HSF2BP: variants seen among roughly 807,000 people sequenced by gnomAD.
The protein encoded by HSF2BP is heat shock transcription factor 2 binding protein, also known as heat shock factor 2-binding protein.
HSF2BP carries 35 observed loss-of-function variants against 35.0 expected under a neutral mutation model. That is an observed-to-expected ratio of 1.00 (90% CI 0.76 to 1.32). HSF2BP has a LOEUF of 1.32. Among genes scored for constraint, HSF2BP ranks in the 40% most tolerant of loss-of-function variants. HSF2BP has a pLI of 0.00. For missense variants in HSF2BP, 326 were observed against 321.7 expected, an observed-to-expected ratio of 1.01 and a Z score of -0.10; for synonymous variants, 114 against 117.4, an observed-to-expected ratio of 0.97 and a Z score of 0.18.
At chr21:43,581,665 C>A (rs943593031) in intron 8 of HSF2BP, among the ~76,000 whole-genome samples, 3 of 152,178 alleles carry the variant, frequency 2.0e-5, no homozygotes, top group East Asian at 3.8e-4. Context: ...GCAAAAAAAA[C>A]ACTGTTCTTC....
rs374220702 is a variant in HSF2BP, at chr21:43,630,314, G to C, written c.574+8C>G. 6.2e-7 allele frequency: 1 copy of C among 1,609,614 alleles called. No individual in the cohort carries two copies. The highest frequency in any genetic ancestry group is 8.5e-7 in the Non-Finnish European group (1 of 1,178,098). ...CAGGCAACATCTCTCAGGTGCGCCT[G>C]CACTTACTCGTGACAATTCCAGCCA... is the stretch of plus-strand genomic sequence containing the variant. On this transcript the variant is annotated splice_region_variant and intron_variant, in intron 6 of 8. Coordinates refer to ENST00000291560, the MANE Select transcript of HSF2BP (RefSeq NM_007031.2).
At chr21:43,595,045 G>A (rs1057508473) in intron 7 of HSF2BP, among the ~76,000 whole-genome samples, 1 of 152,200 alleles carries the variant, frequency 6.6e-6, no homozygotes. Context: ...CAAACTGCTT[G>A]AGGCCAGGAG....
chr21:43,632,049 TCC>T (rs140069817), intron 5 of HSF2BP, among the ~76,000 whole-genome samples: 3 of 9,282 alleles, frequency 3.2e-4, no homozygotes, highest in Non-Finnish European at 6.9e-4. Flanking sequence ...ACACACACGC[TCC>T]CCCCCCACAC....
intron 4 of HSF2BP, among the ~76,000 whole-genome samples, chr21:43,640,830 A>G (rs1241760974): frequency 1.3e-5 from 2 of 152,192 alleles, no homozygotes; most frequent in African/African-American, 4.8e-5. Context: ...AAATTTACTA[A>G]AAACTATCAA....
At chr21:43,620,949 C>G (rs1216719903) in intron 6 of HSF2BP, among the ~76,000 whole-genome samples, 1 of 151,994 alleles carries the variant, frequency 6.6e-6, no homozygotes, top group Non-Finnish European at 1.5e-5. Flanking sequence ...CCTCAAAAGA[C>G]CCAATCTAAG....
chr21:43,638,407 G>A (rs1209512655), intron 4 of HSF2BP, among the ~76,000 whole-genome samples: 1 of 151,822 alleles, frequency 6.6e-6, no homozygotes, highest in Non-Finnish European at 1.5e-5. Context: ...GTAGTGAGCT[G>A]CGATCACACC....
At chr21:43,592,713 T>C (rs1028662339) in intron 7 of HSF2BP, among the ~76,000 whole-genome samples, 3 of 152,202 alleles carry the variant, frequency 2.0e-5, no homozygotes, top group Non-Finnish European at 2.9e-5. Flanking sequence ...TAAAACCTAA[T>C]GACATATTTT....
intron 6 of HSF2BP, among the ~76,000 whole-genome samples, chr21:43,624,435 G>A (rs1034107287): frequency 6.6e-6 from 1 of 152,228 alleles, no homozygotes; most frequent in African/African-American, 2.4e-5. Context: ...TACAGGGTTA[G>A]TCAGTGGCAG....
Position 43,592,297 on chromosome 21 carries a change from T to C in HSF2BP, c.724A>G (p.Ile242Val), listed in dbSNP as rs1362121537. The stretch of plus-strand genomic sequence containing the variant: ...ATGTATTTCAAGCCTTTCAAATTGA[T>C]GCTTACATTGTATAGGGACATCAGC... ...LMLMSLYNVS[I>V]NLKGLKYISE... The change falls in exon 8 of 9, where the codon ATC (isoleucine) becomes GTC (valine). Residue 242 changes from isoleucine to valine, a missense_variant. By Grantham distance (29) the Ile-to-Val change is conservative (BLOSUM62 3). Coordinates refer to ENST00000291560, the MANE Select transcript of HSF2BP (RefSeq NM_007031.2). 5 of 1,613,472 alleles carry C rather than the reference T, an allele frequency of 3.1e-6. No individual in the cohort carries two copies. In the South Asian group the frequency reaches 3.3e-5, roughly 11 times the overall value.
chr21:43,578,080 G>C (rs1302967818), intron 8 of HSF2BP, among the ~76,000 whole-genome samples: 1 of 152,168 alleles, frequency 6.6e-6, no homozygotes, highest in Non-Finnish European at 1.5e-5. Flanking sequence ...CTCACACAAA[G>C]CCTGTTTGGT....
intron 8 of HSF2BP, 57 bp downstream of exon 8, chr21:43,592,168 A>G: frequency 8.8e-7 from 1 of 1,139,480 alleles, no homozygotes; most frequent in East Asian, 2.3e-5. Flanking sequence ...CCCGTGGATA[A>G]GGGAGGACTA....
In HSF2BP at chr21:43,633,362, T is replaced by G. The variant is rs1215025451; in HGVS notation, c.351A>C (p.Ala117=). 5 of 1,613,902 alleles carry G rather than the reference T, an allele frequency of 3.1e-6. No individual in the cohort carries two copies. The Admixed American group carries it at 6.7e-5, about 22-fold the overall frequency. Residue 117 remains alanine (A), a synonymous_variant, in exon 5 of 9, where the codon GCA becomes GCC. Transcript: ENST00000291560. ...NEAKQQLLQQ[A]EYCTEMGAAA... is the part of the protein sequence containing the mutation. ...CTGCTCCCATTTCTGTACAATACTC[T>G]GCCTGCTGCAGGAGTTGCTGCTTCG...
intron 3 of HSF2BP, among the ~76,000 whole-genome samples, chr21:43,644,822 C>T (rs2082687283): frequency 6.6e-6 from 1 of 152,152 alleles, no homozygotes; most frequent in Admixed American, 6.5e-5. Context: ...CTAGTGTCAC[C>T]CACTGGCAGA....
intron 8 of HSF2BP, among the ~76,000 whole-genome samples, chr21:43,589,378 T>G (rs994035187): frequency 2.6e-4 from 40 of 152,192 alleles, no homozygotes; most frequent in African/African-American, 9.6e-4. Flanking sequence ...AATGAAGACA[T>G]ATACTTGTGT....
chr21:43,639,687 A>T (rs1232165078), intron 4 of HSF2BP, among the ~76,000 whole-genome samples: 1 of 152,140 alleles, frequency 6.6e-6, no homozygotes, highest in Non-Finnish European at 1.5e-5. Context: ...TTTTGGTGGG[A>T]CTCTAAAATG....
At chr21:43,577,350 C>T (rs1471005869) in intron 8 of HSF2BP, among the ~76,000 whole-genome samples, 1 of 152,186 alleles carries the variant, frequency 6.6e-6, no homozygotes, top group Non-Finnish European at 1.5e-5. Context: ...ACTACAGAAA[C>T]AGTCAAAATA....
Position 43,633,382 on chromosome 21 carries a change from G to C in HSF2BP, c.331C>G (p.Gln111Glu), listed in dbSNP as rs1036969975. Residue 111 changes from glutamine (Q) to glutamate (E), a missense_variant, in exon 5 of 9, where the codon CAG becomes GAG. Transcript: ENST00000291560. ...ALRQQLNEAK[Q>E]QLLQQAEYCT... ...TACTCTGCCTGCTGCAGGAGTTGCT[G>C]CTTCGCTTCATTCAACTGCTGTCGA... 6 of 1,613,238 alleles carry C rather than the reference G, an allele frequency of 3.7e-6. No individual in the cohort carries two copies. Among genetic ancestry groups the C allele is most frequent in the Non-Finnish European group, 4.2e-6 (5 of 1,179,792 alleles).
intron 4 of HSF2BP, among the ~76,000 whole-genome samples, chr21:43,635,289 A>C (rs1242467457): frequency 6.6e-6 from 1 of 152,204 alleles, no homozygotes; most frequent in Non-Finnish European, 1.5e-5. Context: ...CACAATCCCT[A>C]TCAAAATCTC....
chr21:43,601,051 T>C (rs747258589), intron 7 of HSF2BP, among the ~76,000 whole-genome samples: 3 of 152,258 alleles, frequency 2.0e-5, no homozygotes, highest in African/African-American at 7.2e-5. Context: ...CTCCATCTTG[T>C]AGACATTTAG....
Sources: allele counts gnomAD v4.1 joint callset (sites outside exome capture counted in the v4.1 genomes callset), GRCh38; gene constraint gnomAD v4.1.1; transcripts MANE v1.5; gene names NCBI Gene and HGNC (gene_info 2026-07-23, HGNC 2026-07-21).